The following CHAD variants were observed in gnomAD, a reference collection of about 807,000 sequenced individuals.
CHAD encodes the protein cartilage leucine-rich protein.
In CHAD, 18 loss-of-function variants were observed where a neutral mutation model predicts 24.0. The observed-to-expected ratio is 0.75, with a 90% CI of 0.52 to 1.11. The LOEUF is 1.11. Among genes scored for constraint, CHAD ranks in the 50% most tolerant of loss-of-function variants. The pLI, the probability that CHAD is intolerant of heterozygous loss-of-function variation, is 0.00. For missense variants in CHAD, 440 were observed against 467.2 expected (o/e 0.94, Z 0.54); for synonymous variants, 195 against 211.6 (o/e 0.92, Z 0.68).
chr17:50,468,247 C>A lies in CHAD; in HGVS notation c.567G>T (p.Gly189=). Residue 189 remains glycine, a synonymous_variant, in exon 1 of 4, where the codon GGG becomes GGT. Coordinates refer to ENST00000508540, the MANE Select transcript of CHAD (RefSeq NM_001267.3). ...CGAGGTTCTCCACGTCGTCCAGGGC[C>A]CCGGGCTGCAGGGAGCTCAACGCGT... ...SENALSSLQP[G]ALDDVENLAK... The A allele has an allele frequency of 1.2e-6, 2 of 1,611,858 alleles. No individual in the cohort carries two copies. Among genetic ancestry groups the A allele is most frequent in the South Asian group, 1.1e-5 (1 of 90,954 alleles).
chr17:50,467,871 T>C, intron 1 of CHAD, 169 bp downstream of exon 1: 1 of 616,396 alleles, frequency 1.6e-6, no homozygotes, highest in Non-Finnish European at 2.8e-6. Context: ...GGGATTAGGG[T>C]AGGGATGTGA....
rs138527449 is a variant in CHAD, at chr17:50,465,331, G to A, written c.1047C>T (p.Pro349=). 6.0e-4 allele frequency: 973 copies of A among 1,614,076 alleles called. 3 individuals carry two copies. In the African/African-American group the frequency reaches 0.011, roughly 19 times the overall value. The change falls in exon 3 of 4, where the codon CCC becomes CCT. Residue 349 remains proline (P), a synonymous_variant. Coordinates refer to ENST00000508540, the MANE Select transcript of CHAD (RefSeq NM_001267.3). ...GGCCAGCTTTCTTGGACCTCTTGGT[G>A]GGGAACTTGCAGCTGCGGAAGGCGT... is the stretch of plus-strand genomic sequence containing the variant. ...DTDAFRSCKF[P]TKRSKKAGRH
In CHAD at chr17:50,465,363, C is replaced by T. The variant is rs2032635763; in HGVS notation, c.1015G>A (p.Asp339Asn). ...PAKFKGQHIRDTDAFRSCKFP... is the reference protein window; with the variant it reads ...PAKFKGQHIRNTDAFRSCKFP... ...TTGCAGCTGCGGAAGGCGTCCGTGT[C>T]ACGGATGTGCTGGCCCTTGAACTTG... The change falls in exon 3 of 4, where the codon GAC becomes AAC. Residue 339 changes from aspartate to asparagine, a missense_variant. Physicochemically the swap from Asp to Asn is conservative, Grantham distance 23 (BLOSUM62 1). Coordinates refer to ENST00000508540, the MANE Select transcript of CHAD (RefSeq NM_001267.3). 6.2e-7 allele frequency: 1 copy of T among 1,614,078 alleles called. No homozygotes were observed.
chr17:50,467,939 G>A (rs1366895210), intron 1 of CHAD, 101 bp downstream of exon 1: 4 of 1,283,398 alleles, frequency 3.1e-6, no homozygotes, highest in African/African-American at 1.5e-5. Context: ...AGAGGGACAG[G>A]GAACCTGGGG....
chr17:50,465,118 G>A (rs1238077883), intron 3 of CHAD, 69 bp from the exon 4 acceptor site: 1 of 663,484 alleles, frequency 1.5e-6, no homozygotes, highest in Non-Finnish European at 2.5e-6. Flanking sequence ...AATGGTGGAA[G>A]TCCTGGGCAG....
rs1187206580 is a variant in CHAD, at chr17:50,464,638, C to T, written c.*416G>A. 4.4e-5 allele frequency: 22 copies of T among 497,662 alleles called. No homozygotes were observed. Among genetic ancestry groups the T allele is most frequent in the Non-Finnish European group, 8.6e-5 (22 of 255,140 alleles). The allele number at this position is 497,662 out of a possible 1,614,324, so 30.8% of individuals were successfully genotyped here. A position where few individuals can be genotyped will look rare whatever the true frequency, so the allele number is the denominator to read the frequency against. On this transcript the variant is annotated 3_prime_UTR_variant, in exon 4 of 4. Transcript: ENST00000508540. ...GAGTTGGGGCATGGGCTTTAAAACC[C>T]TTTCTGGAAGCAAGGGGTGGGGCAA... is the stretch of plus-strand genomic sequence containing the variant.
rs1006402704 is a variant in CHAD at position 50,465,568 on chromosome 17, T to C, written c.939-129A>G. 5 of 1,465,926 alleles carry C rather than the reference T, an allele frequency of 3.4e-6. No homozygotes were observed. The African/African-American group carries it at 7.1e-5, about 21-fold the overall frequency. 90.8% of individuals were successfully genotyped at this position (1,465,926 alleles called of 1,614,324 possible). On this transcript the variant is annotated intron_variant, in intron 2 of 3. Coordinates refer to ENST00000508540, the MANE Select transcript of CHAD (RefSeq NM_001267.3). ...GAAGCTGTCATCTTCATTTTACAAA[T>C]GGGGAAACTGAGGCTCCCAGGGTCC...
At chr17:50,465,603 T>C in intron 2 of CHAD, 104 bp downstream of exon 2, 1 of 1,493,362 alleles carries the variant, frequency 6.7e-7, no homozygotes, top group Non-Finnish European at 9.2e-7. Context: ...CCATGCTTAT[T>C]AGGTAGCAGA....
rs577577426 is a variant in CHAD at position 50,464,771 on chromosome 17, G to T, written c.*283C>A. Reference sequence around the variant, plus strand: ...ACCTGTTGTGGTTCTGATTGACTTGGGGGGGGGGTCTCAGCAACAGCTTCT... The same window carrying T: ...ACCTGTTGTGGTTCTGATTGACTTGTGGGGGGGGTCTCAGCAACAGCTTCT... On this transcript the variant is annotated 3_prime_UTR_variant, in exon 4 of 4. Coordinates refer to ENST00000508540, the MANE Select transcript of CHAD (RefSeq NM_001267.3). 35 of 328,878 alleles carry T rather than the reference G, an allele frequency of 1.1e-4. 1 individual carries two copies. In the Admixed American group the frequency reaches 1.3e-3, roughly 12 times the overall value. The allele number at this position is 328,878 out of a possible 1,614,324, so 20.4% of individuals were successfully genotyped here.
At position 50,468,549 on chromosome 17, in the gene CHAD, C is replaced by T; in HGVS notation, c.265G>A (p.Glu89Lys). 1 of 1,614,238 alleles carries T rather than the reference C, an allele frequency of 6.2e-7. No individual in the cohort carries two copies. Among genetic ancestry groups the T allele is most frequent in the Non-Finnish European group, 8.5e-7 (1 of 1,180,040 alleles). Residue 89 changes from glutamate to lysine, a missense_variant, in exon 1 of 4, where the codon GAG (glutamate) becomes AAG (lysine). Coordinates refer to ENST00000508540, the MANE Select transcript of CHAD (RefSeq NM_001267.3). The stretch of plus-strand genomic sequence containing the variant: ...CCGCGGAAGGCACCGGCGGCCACCT[C>T]GCGGATCTGGCAGTGCTGCAGGTGC... Reference protein sequence around the residue: ...SLHLQHCQIREVAAGAFRGLK... With the variant: ...SLHLQHCQIRKVAAGAFRGLK...
chr17:50,465,238 T>C (rs1186068089), intron 3 of CHAD, 56 bp downstream of exon 3: 1 of 1,599,410 alleles, frequency 6.3e-7, no homozygotes, highest in African/African-American at 1.3e-5. Context: ...AGATACCAGC[T>C]CACTTGCTGG....
chr17:50,467,743 T>C, intron 1 of CHAD: 1 of 317,346 alleles, frequency 3.2e-6, no homozygotes, highest in Non-Finnish European at 5.7e-6. Context: ...CTGCTCACAG[T>C]TGGGGGTTTG....
At position 50,464,773 on chromosome 17, in the gene CHAD, G is replaced by GGGT; in HGVS notation, c.*280_*281insACC. The GGGT allele has an allele frequency of 1.2e-5, 4 of 333,604 alleles. 1 individual carries two copies. The highest frequency in any genetic ancestry group is 1.1e-3 in the Middle Eastern group (1 of 898). The allele number at this position is 333,604 out of a possible 1,614,324, so 20.7% of individuals were successfully genotyped here. A position where few individuals can be genotyped will look rare whatever the true frequency, so the allele number is the denominator to read the frequency against. ...CTGTTGTGGTTCTGATTGACTTGGG[G>GGGT]GGGGGGTCTCAGCAACAGCTTCTCC... On this transcript the variant is annotated 3_prime_UTR_variant, in exon 4 of 4. Coordinates refer to ENST00000508540, the MANE Select transcript of CHAD (RefSeq NM_001267.3).
intron 1 of CHAD, chr17:50,467,705 T>G (rs962372122): frequency 4.1e-5 from 10 of 243,368 alleles, no homozygotes; most frequent in South Asian, 1.5e-4. Flanking sequence ...AGAGGAGGGG[T>G]GGAAGGCCCA....
rs376379501 is a variant in CHAD, at chr17:50,465,479, G to A, written c.939-40C>T. ...ACTTGCTGGGGCTGGGGAAGAAGGT[G>A]GGAGTGCTGGGGGGAAGGGCAGTGA... On this transcript the variant is annotated intron_variant, in intron 2 of 3. Transcript: ENST00000508540. 30 of 1,609,336 alleles carry A rather than the reference G, an allele frequency of 1.9e-5. No individual in the cohort carries two copies. In the African/African-American group the frequency reaches 4.0e-4, roughly 22 times the overall value.
Position 50,465,871 on chromosome 17 carries a change from C to A in CHAD, c.775-1G>T. The A allele has an allele frequency of 2.5e-6, 4 of 1,613,604 alleles. No individual in the cohort carries two copies. The highest frequency in any genetic ancestry group is 3.4e-6 in the Non-Finnish European group (4 of 1,179,854). On this transcript the variant is annotated splice_acceptor_variant, in intron 1 of 3. Coordinates refer to ENST00000508540, the MANE Select transcript of CHAD (RefSeq NM_001267.3). LOFTEE classifies it high-confidence loss of function. ...CACCCAGGAAGGCACCATCTGAGAA[C>A]TGGGGAGCAAGGTGGGAGCAAGGTG... is the stretch of plus-strand genomic sequence containing the variant.
Position 50,465,399 on chromosome 17 carries a change from C to T in CHAD, c.979G>A (p.Ala327Thr). ...AKASRPDATCASPAKFKGQHI... is the reference protein window; with the variant it reads ...AKASRPDATCTSPAKFKGQHI... ...TGGCCCTTGAACTTGGCAGGTGAGG[C>T]ACAGGTGGCATCTGGGCGGGAGGCC... The change falls in exon 3 of 4, where the codon GCC (alanine) becomes ACC (threonine). Residue 327 changes from alanine (A) to threonine (T), a missense_variant. Physicochemically the swap from Ala to Thr is moderately conservative, Grantham distance 58 (BLOSUM62 0). Coordinates refer to ENST00000508540, the MANE Select transcript of CHAD (RefSeq NM_001267.3). 1 of 1,613,910 alleles carries T rather than the reference C, an allele frequency of 6.2e-7. No individual in the cohort carries two copies. Among genetic ancestry groups the T allele is most frequent in the Non-Finnish European group, 8.5e-7 (1 of 1,179,994 alleles).
intron 1 of CHAD, among the ~76,000 whole-genome samples, chr17:50,467,248 G>A (rs1428398874): frequency 6.6e-6 from 1 of 152,198 alleles, no homozygotes; most frequent in Non-Finnish European, 1.5e-5. Flanking sequence ...GACGGAGGAG[G>A]GCAAAGGGCA....
intron 1 of CHAD, among the ~76,000 whole-genome samples, chr17:50,466,073 C>CTT (rs10707664): frequency 3.3e-5 from 4 of 120,026 alleles, no homozygotes; most frequent in African/African-American, 6.4e-5. Context: ...GTGTTATTTT[C>CTT]TTTTTTTTTT....
Sources: allele counts gnomAD v4.1 joint callset (sites outside exome capture counted in the v4.1 genomes callset), GRCh38; gene constraint gnomAD v4.1.1; transcripts MANE v1.5; gene names NCBI Gene and HGNC (gene_info 2026-07-23, HGNC 2026-07-21).